The following TRIM66 variants were observed in gnomAD, a reference collection of about 807,000 sequenced individuals.
TRIM66 encodes tripartite motif-containing protein 66.
Under a neutral mutation model 148.2 loss-of-function variants are expected in TRIM66, and 99 were observed. The ratio of observed to expected loss-of-function variants is 0.67; its 90% CI spans 0.57 to 0.79. The LOEUF is 0.79. TRIM66 is among the 30% of genes least tolerant of loss of function. The pLI is 0.00. For synonymous variants in TRIM66, 616 were observed against 635.9 expected, an observed-to-expected ratio of 0.97 and a Z score of 0.47; for missense variants, 1,666 against 1,697.9, an observed-to-expected ratio of 0.98 and a Z score of 0.33.
chr11:8,617,885 G>A lies in TRIM66; in HGVS notation c.*59C>T. On this transcript the variant is annotated 3_prime_UTR_variant, in exon 25 of 25. Transcript: ENST00000646038. Reference sequence around the variant, plus strand: ...TGAAGAGGATAAGCTGCAAGATGGGGAGGAATGGTCGACAGTATGGGACAA... The same window carrying A: ...TGAAGAGGATAAGCTGCAAGATGGGAAGGAATGGTCGACAGTATGGGACAA... 6.7e-7 allele frequency: 1 copy of A among 1,484,894 alleles called. No homozygotes were observed. Among genetic ancestry groups the A allele is most frequent in the Non-Finnish European group, 9.2e-7 (1 of 1,086,252 alleles). 92.0% of individuals were successfully genotyped at this position (1,484,894 alleles called of 1,614,324 possible).
chr11:8,683,091 G>A, upstream of TRIM66: 1 of 1,185,366 alleles, frequency 8.4e-7, no homozygotes. Flanking sequence ...TTTCCCAAAC[G>A]CTCCAGAAGT....
intron 10 of TRIM66, 72 bp from the exon 11 acceptor site, chr11:8,646,633 A>C (rs147042429): frequency 2.4e-6 from 3 of 1,252,790 alleles, no homozygotes; most frequent in East Asian, 2.5e-5. Flanking sequence ...GACAGCAAAC[A>C]TAAGAACCAA....
chr11:8,679,198 G>C (rs769361507), intron 3 of TRIM66: 1 of 152,186 alleles, frequency 6.6e-6, no homozygotes, highest in African/African-American at 2.4e-5. Flanking sequence ...TGCTCTCTCA[G>C]ACCTCTGTCA....
chr11:8,666,123 G>C (rs1475772320), intron 6 of TRIM66, among the ~76,000 whole-genome samples: 2 of 151,590 alleles, frequency 1.3e-5, no homozygotes, highest in African/African-American at 2.4e-5. Context: ...GATCACCAGA[G>C]GTCAGGAGTT....
rs112396143 is a variant in TRIM66 at position 8,647,870 on chromosome 11, T to C, written c.842+100A>G. The C allele has an allele frequency of 6.7e-4, 611 of 913,668 alleles. 1 individual carries two copies. The African/African-American group carries it at 9.1e-3, about 14-fold the overall frequency. 56.6% of individuals were successfully genotyped at this position (913,668 alleles called of 1,614,324 possible). ...TATGCCCACATCTGCTTAACCACAG[T>C]TCCTCTTCACAGGCACTACATCTGA... is the stretch of plus-strand genomic sequence containing the variant. On this transcript the variant is annotated intron_variant, in intron 10 of 24. Coordinates refer to ENST00000646038, the MANE Select transcript of TRIM66 (RefSeq NM_001388022.1).
chr11:8,648,914 T>C (rs1298097554), intron 8 of TRIM66, among the ~76,000 whole-genome samples: 4 of 152,276 alleles, frequency 2.6e-5, no homozygotes, highest in Non-Finnish European at 5.9e-5. Context: ...TGAAACCAGC[T>C]ATCCAGCCTT....
chr11:8,658,737 C>T (rs1005070684), intron 6 of TRIM66: 27 of 983,232 alleles, frequency 2.7e-5, no homozygotes, highest in Non-Finnish European at 3.3e-5. Context: ...ACACTCTCAC[C>T]GCATCATTTT....
Position 8,613,882 on chromosome 11 carries a change from G to A in TRIM66, c.*4062C>T, listed in dbSNP as rs1215061722. The A allele has an allele frequency of 1.3e-5, 2 of 151,340 alleles. No homozygotes were observed. The highest frequency in any genetic ancestry group is 4.9e-5 in the African/African-American group (2 of 41,194). 9.4% of individuals were successfully genotyped at this position (151,340 alleles called of 1,614,324 possible). A position where few individuals can be genotyped will look rare whatever the true frequency, so the allele number is the denominator to read the frequency against. ...AGGACAAAGATGGAGGCATGGGTGGGGAAAAAAAAAGGGATCACAACAAGT... is the reference window on the plus strand; with the variant it reads ...AGGACAAAGATGGAGGCATGGGTGGAGAAAAAAAAAGGGATCACAACAAGT... On this transcript the variant is annotated 3_prime_UTR_variant, in exon 25 of 25. Coordinates refer to ENST00000646038, the MANE Select transcript of TRIM66 (RefSeq NM_001388022.1).
rs2033437421 is a variant in TRIM66, at chr11:8,612,192, A to G, written c.*5752T>C. 6.6e-6 allele frequency: 1 copy of G among 152,188 alleles called. No homozygotes were observed. The highest frequency in any genetic ancestry group is 2.4e-5 in the African/African-American group (1 of 41,432). The allele number at this position is 152,188 out of a possible 1,614,324, so 9.4% of individuals were successfully genotyped here. On this transcript the variant is annotated 3_prime_UTR_variant, in exon 25 of 25. Transcript: ENST00000646038. ...CAAGGGCCTAGGAGGAACTCATCCT[A>G]CATAGCCAAGAAAGGGGTACAGCTT...
chr11:8,648,104 G>A lies in TRIM66; in HGVS notation c.726-18C>T, dbSNP rs2133207579. 6.5e-7 allele frequency: 1 copy of A among 1,544,906 alleles called. No homozygotes were observed. ...GTCTGCACCTAGGGGATGAGGCAGA[G>A]AAAAAGCTGAGAAGGGCTGAGTCCT... is the stretch of plus-strand genomic sequence containing the variant. On this transcript the variant is annotated intron_variant, in intron 9 of 24. Transcript: ENST00000646038.
intron 6 of TRIM66, among the ~76,000 whole-genome samples, chr11:8,667,842 T>C (rs1457668167): frequency 3.3e-5 from 5 of 152,254 alleles, no homozygotes; most frequent in African/African-American, 1.2e-4. Context: ...ACTTCCACCT[T>C]TTGGCTACTG....
chr11:8,634,503 G>A (rs1592071227), intron 15 of TRIM66, among the ~76,000 whole-genome samples: 4 of 152,128 alleles, frequency 2.6e-5, no homozygotes, highest in African/African-American at 4.8e-5. Flanking sequence ...TGTATTTTTC[G>A]GCAGTTGACT....
In TRIM66 at chr11:8,617,778, G is replaced by A. The variant is rs4929924; in HGVS notation, c.*166C>T. On this transcript the variant is annotated 3_prime_UTR_variant, in exon 25 of 25. Coordinates refer to ENST00000646038, the MANE Select transcript of TRIM66 (RefSeq NM_001388022.1). The stretch of plus-strand genomic sequence containing the variant: ...ATCTTCTCTGTAGTGGATGTACTAC[G>A]GCTCCCAAATAAATGCTGTAGATGC... The A allele has an allele frequency of 0.6, 380,755 of 639,394 alleles. 115,422 individuals carry two copies. Among genetic ancestry groups the A allele is most frequent in the Non-Finnish European group, 0.63 (228,652 of 361,296 alleles). The allele number at this position is 639,394 out of a possible 1,614,324, so 39.6% of individuals were successfully genotyped here. A position where few individuals can be genotyped will look rare whatever the true frequency, so the allele number is the denominator to read the frequency against.
Position 8,640,592 on chromosome 11 carries a change from G to A in TRIM66, c.1783C>T (p.Gln595Ter). ...HHQKLKLSHF[Q>*]QQPQQQLPPP... ...GGTAGCTGCTGCTGTGGCTGCTGCTGAAAGTGACTGAGCTTCAGCTTCTGG... is the reference window on the plus strand; with the variant it reads ...GGTAGCTGCTGCTGTGGCTGCTGCTAAAAGTGACTGAGCTTCAGCTTCTGG... The change falls in exon 14 of 25, where the codon CAG (glutamine) becomes TAG (stop). Residue 595 changes from glutamine (Q) to a stop codon, truncating the protein, a stop_gained. Transcript: ENST00000646038. LOFTEE classifies it high-confidence loss of function. The A allele has an allele frequency of 6.4e-7, 1 of 1,551,376 alleles. No individual in the cohort carries two copies. The highest frequency in any genetic ancestry group is 8.7e-7 in the Non-Finnish European group (1 of 1,146,956).
At chr11:8,626,402 T>C (rs1177367347) in intron 15 of TRIM66, among the ~76,000 whole-genome samples, 1 of 152,216 alleles carries the variant, frequency 6.6e-6, no homozygotes, top group East Asian at 1.9e-4. Flanking sequence ...AGTTTCAATA[T>C]AAAGTTACTA....
Position 8,617,982 on chromosome 11 carries a change from TTC to T in TRIM66, c.4139_4140del (p.Arg1380AsnfsTer51). ...RRHMENERAK[R>X]MSFRLANSIS... ...ATGCTGTTGGCCAGGCGAAATGACATTCTTTTTGCTCTTTCATTCTCCTGAAA... is the reference window on the plus strand; with the variant it reads ...ATGCTGTTGGCCAGGCGAAATGACATTTTTTGCTCTTTCATTCTCCTGAAA... On this transcript the variant is annotated frameshift_variant, in exon 25 of 25. Transcript: ENST00000646038. LOFTEE classifies it high-confidence loss of function. The T allele has an allele frequency of 1.9e-6, 3 of 1,551,694 alleles. No individual in the cohort carries two copies. Among genetic ancestry groups the T allele is most frequent in the Non-Finnish European group, 2.6e-6 (3 of 1,146,974 alleles).
chr11:8,624,643 G>T, intron 16 of TRIM66, 70 bp downstream of exon 16: 1 of 1,475,138 alleles, frequency 6.8e-7, no homozygotes, highest in Non-Finnish European at 9.0e-7. Flanking sequence ...TCAGAATAAG[G>T]GTCCCAGTGG....
At chr11:8,654,790 C>A (rs887429892) in intron 6 of TRIM66, among the ~76,000 whole-genome samples, 2 of 152,144 alleles carry the variant, frequency 1.3e-5, no homozygotes, top group Non-Finnish European at 2.9e-5. Flanking sequence ...CATTGTTTTG[C>A]TTAAAATCAC....
At chr11:8,635,808 C>G (rs1260308303) in intron 15 of TRIM66, among the ~76,000 whole-genome samples, 1 of 152,172 alleles carries the variant, frequency 6.6e-6, no homozygotes, top group Non-Finnish European at 1.5e-5. Flanking sequence ...CTCAGGGAAC[C>G]CTGTTGGCCA....
Sources: allele counts gnomAD v4.1 joint callset (sites outside exome capture counted in the v4.1 genomes callset), GRCh38; gene constraint gnomAD v4.1.1; transcripts MANE v1.5; gene names NCBI Gene and HGNC (gene_info 2026-07-23, HGNC 2026-07-21).